KCNH7: variants seen among roughly 807,000 people sequenced by gnomAD.
KCNH7 encodes voltage-gated inwardly rectifying potassium channel KCNH7.
A neutral mutation model predicts 120.8 loss-of-function variants in KCNH7; 49 were observed. That is an observed-to-expected ratio of 0.41 (90% CI 0.32 to 0.51). The LOEUF is 0.51. Ranked by LOEUF, KCNH7 falls within the 20% of genes least tolerant of loss-of-function variation. The probability of loss-of-function intolerance (pLI) is 0.38; values close to 1 mark genes in which losing one functional copy is unlikely to be tolerated. For missense variants in KCNH7, 1,097 were observed against 1,446.6 expected, an observed-to-expected ratio of 0.76 and a Z score of 3.92; for synonymous variants, 547 against 516.1, an observed-to-expected ratio of 1.06 and a Z score of -0.81.
Position 162,589,880 on chromosome 2 carries a change from G to C in KCNH7, c.308-52800C>G, listed in dbSNP as rs569358537. ...TATTATTTAGGTGTGGAATATCCAT[G>C]GGTACGTATGTTCCCTTAAACAGTT... On this transcript the variant is annotated intron_variant, in intron 2 of 15. Transcript: ENST00000332142. Among the ~76,000 whole-genome samples, 6 of 152,174 alleles carry C rather than the reference G, an allele frequency of 3.9e-5. No individual in the cohort carries two copies. The South Asian group carries it at 1.2e-3, about 32-fold the overall frequency.
chr2:162,686,954 G>T (rs1242565544), intron 2 of KCNH7, among the ~76,000 whole-genome samples: 1 of 152,098 alleles, frequency 6.6e-6, no homozygotes, highest in African/African-American at 2.4e-5. Flanking sequence ...TTAGAAGAAA[G>T]TATTTCTGTC....
At chr2:162,456,900 G>A (rs754396673) in intron 6 of KCNH7, among the ~76,000 whole-genome samples, 1 of 151,652 alleles carries the variant, frequency 6.6e-6, no homozygotes, top group Non-Finnish European at 1.5e-5. Flanking sequence ...TTTTTAATAA[G>A]ACAATAGGTT....
At chr2:162,405,394 A>G (rs2105453737) in intron 9 of KCNH7, among the ~76,000 whole-genome samples, 1 of 152,014 alleles carries the variant, frequency 6.6e-6, no homozygotes, top group East Asian at 1.9e-4. Flanking sequence ...AAACATAATA[A>G]CATTATTAAA....
At chr2:162,463,812 T>TAA (rs769466935) in intron 6 of KCNH7, among the ~76,000 whole-genome samples, 1 of 132,890 alleles carries the variant, frequency 7.5e-6, no homozygotes, top group East Asian at 2.1e-4. Context: ...AACAAAAAAG[T>TAA]AAAAAAAAAA....
At chr2:162,557,081 G>A (rs1341584204) in intron 2 of KCNH7, among the ~76,000 whole-genome samples, 2 of 152,186 alleles carry the variant, frequency 1.3e-5, no homozygotes, top group Non-Finnish European at 2.9e-5. Context: ...TAAATTCTGA[G>A]CTGGGTGGTT....
Position 162,838,591 on chromosome 2 carries a change from C to A in KCNH7, c.-73G>T. 1 of 1,227,052 alleles carries A rather than the reference C, an allele frequency of 8.1e-7. No individual in the cohort carries two copies. Among genetic ancestry groups the A allele is most frequent in the Non-Finnish European group, 1.2e-6 (1 of 868,622 alleles). The allele number at this position is 1,227,052 out of a possible 1,614,324, so 76.0% of individuals were successfully genotyped here. A position where few individuals can be genotyped will look rare whatever the true frequency, so the allele number is the denominator to read the frequency against. Reference sequence around the variant, plus strand: ...TCCCGGGATCTCTCCTCGGCTAGAGCCCAGGCCAGCGCGCGAGCCGCTCTT... The same window carrying A: ...TCCCGGGATCTCTCCTCGGCTAGAGACCAGGCCAGCGCGCGAGCCGCTCTT... On this transcript the variant is annotated 5_prime_UTR_variant, in exon 1 of 16. Transcript: ENST00000332142.
chr2:162,838,351 A>C (rs1685734311), intron 1 of KCNH7, 92 bp downstream of exon 1: 18 of 994,720 alleles, frequency 1.8e-5, no homozygotes, highest in Non-Finnish European at 2.7e-5. Flanking sequence ...CAGAGCCTGG[A>C]GTTGCCGGTC....
At chr2:162,451,553 G>A (rs1688770771) in intron 6 of KCNH7, among the ~76,000 whole-genome samples, 1 of 151,948 alleles carries the variant, frequency 6.6e-6, no homozygotes, top group African/African-American at 2.4e-5. Flanking sequence ...GTCAACTGGG[G>A]TAATTCAGTG....
chr2:162,771,457 T>C (rs1211243737), intron 2 of KCNH7, among the ~76,000 whole-genome samples: 1 of 152,120 alleles, frequency 6.6e-6, no homozygotes, highest in East Asian at 1.9e-4. Context: ...TTCCTCAGTT[T>C]CCTCCCTCCA....
intron 2 of KCNH7, among the ~76,000 whole-genome samples, chr2:162,808,054 C>T (rs1001605496): frequency 1.3e-5 from 2 of 151,982 alleles, no homozygotes; most frequent in Non-Finnish European, 2.9e-5. Flanking sequence ...GATTGGAGCC[C>T]CTATGGATAC....
chr2:162,383,329 A>G (rs1315716745), intron 13 of KCNH7, among the ~76,000 whole-genome samples: 2 of 151,970 alleles, frequency 1.3e-5, no homozygotes, highest in Admixed American at 6.6e-5. Context: ...ATAAATAACT[A>G]AAATGGGACA....
chr2:162,816,226 C>T (rs1463086582), intron 2 of KCNH7, among the ~76,000 whole-genome samples: 1 of 141,048 alleles, frequency 7.1e-6, no homozygotes, highest in Non-Finnish European at 1.5e-5. Flanking sequence ...CATTGCACTC[C>T]AGCCTGGGCA....
At chr2:162,573,608 T>C (rs1332186627) in intron 2 of KCNH7, among the ~76,000 whole-genome samples, 1 of 152,030 alleles carries the variant, frequency 6.6e-6, no homozygotes, top group Non-Finnish European at 1.5e-5. Context: ...TTATTTTCTT[T>C]AGTCCACCAG....
At position 162,626,134 on chromosome 2, in the gene KCNH7, TA is replaced by T. The variant is rs1683545669; in HGVS notation, c.308-89055del. ...AGCTCAATTTTCAATAAATATGTAC[TA>T]TTTTTATGGTATGCAGTTTCAGTTG... On this transcript the variant is annotated intron_variant, in intron 2 of 15. Coordinates refer to ENST00000332142, the MANE Select transcript of KCNH7 (RefSeq NM_033272.4). Among the ~76,000 whole-genome samples, 3 of 152,276 alleles carry T rather than the reference TA, an allele frequency of 2.0e-5. No individual in the cohort carries two copies. In the South Asian group the frequency reaches 6.2e-4, roughly 32 times the overall value.
chr2:162,586,601 A>G (rs1440903763), intron 2 of KCNH7, among the ~76,000 whole-genome samples: 1 of 151,940 alleles, frequency 6.6e-6, no homozygotes, highest in Non-Finnish European at 1.5e-5. Context: ...AAATTTGAGA[A>G]AGTTTGAAAT....
At chr2:162,535,688 G>A (rs1417888741) in intron 3 of KCNH7, among the ~76,000 whole-genome samples, 1 of 151,618 alleles carries the variant, frequency 6.6e-6, no homozygotes, top group Non-Finnish European at 1.5e-5. Flanking sequence ...TAGAAAATTT[G>A]CTTCTAAAGT....
chr2:162,736,882 CT>C (rs1037143972), intron 2 of KCNH7, among the ~76,000 whole-genome samples: 5 of 151,800 alleles, frequency 3.3e-5, no homozygotes, highest in East Asian at 1.9e-4. Flanking sequence ...TAAAAAATAA[CT>C]TTTTTTTTCC....
chr2:162,764,340 A>G (rs1031037961), intron 2 of KCNH7, among the ~76,000 whole-genome samples: 5 of 152,220 alleles, frequency 3.3e-5, no homozygotes, highest in Middle Eastern at 3.4e-3. Context: ...CATATTTTAT[A>G]TATGTATTAA....
At chr2:162,520,026 G>A (rs540036283) in intron 3 of KCNH7, among the ~76,000 whole-genome samples, 2 of 151,402 alleles carry the variant, frequency 1.3e-5, no homozygotes, top group South Asian at 2.1e-4. Flanking sequence ...TTTATCTCCA[G>A]CCCAGACCTC....
Sources: gnomAD v4.1 joint callset for allele counts (sites outside exome capture counted in the v4.1 genomes callset) on GRCh38, gnomAD v4.1.1 for gene constraint, MANE v1.5 for transcripts, NCBI Gene and HGNC (gene_info 2026-07-23, HGNC 2026-07-21) for gene names.